Variants in RNF180 observed in about 807,000 individuals in gnomAD.
RNF180 encodes E3 ubiquitin-protein ligase RNF180.
In RNF180, 38 loss-of-function variants were observed where a neutral mutation model predicts 59.2. The ratio of observed to expected loss-of-function variants is 0.64; its 90% CI spans 0.50 to 0.84. The LOEUF is 0.84. Ranked by LOEUF, RNF180 falls within the 40% of genes least tolerant of loss-of-function variation. The pLI, the probability that RNF180 is intolerant of heterozygous loss-of-function variation, is 0.00. For synonymous variants in RNF180, 262 were observed against 240.3 expected, an observed-to-expected ratio of 1.09 and a Z score of -0.84; for missense variants, 705 against 700.9, an observed-to-expected ratio of 1.01 and a Z score of -0.07.
chr5:64,208,346 G>A (rs1024398332), intron 2 of RNF180, among the ~76,000 whole-genome samples: 2 of 151,860 alleles, frequency 1.3e-5, no homozygotes, highest in Non-Finnish European at 2.9e-5. Context: ...TACAATCCTG[G>A]TAAAACAGTT....
At chr5:64,239,900 AT>A (rs1265636090) in intron 5 of RNF180, among the ~76,000 whole-genome samples, 1 of 152,182 alleles carries the variant, frequency 6.6e-6, no homozygotes, top group Non-Finnish European at 1.5e-5. Context: ...AACAAAATGT[AT>A]TTTTATGTTA....
chr5:64,327,370 A>G (rs1318659813), intron 6 of RNF180, among the ~76,000 whole-genome samples: 1 of 151,990 alleles, frequency 6.6e-6, no homozygotes, highest in Non-Finnish European at 1.5e-5. Context: ...AGGTACATAC[A>G]TCATTAGGTC....
At chr5:64,228,915 CTTT>C (rs373212886) in intron 5 of RNF180, among the ~76,000 whole-genome samples, 8,778 of 97,710 alleles carry the variant, frequency 0.09, 131 homozygotes, top group South Asian at 0.15. Flanking sequence ...TCTATTACTG[CTTT>C]TTTTTTTTTT....
intron 5 of RNF180, among the ~76,000 whole-genome samples, chr5:64,314,537 TA>T (rs1743940664): frequency 6.6e-6 from 1 of 152,158 alleles, no homozygotes; most frequent in Admixed American, 6.6e-5. Context: ...CTTTTGGTCT[TA>T]AGATTCCTTT....
chr5:64,234,502 G>T (rs1238899832), intron 5 of RNF180, among the ~76,000 whole-genome samples: 1 of 146,670 alleles, frequency 6.8e-6, no homozygotes, highest in Non-Finnish European at 1.5e-5. Context: ...AACATGATCA[G>T]TGACAATACC....
chr5:64,212,260 A>G, intron 3 of RNF180, 100 bp downstream of exon 3: 1 of 693,604 alleles, frequency 1.4e-6, no homozygotes, highest in East Asian at 2.7e-5. Context: ...TCCTTGGCCA[A>G]CCTCTTACTG....
intron 5 of RNF180, among the ~76,000 whole-genome samples, chr5:64,238,529 C>T (rs1019986433): frequency 1.3e-5 from 2 of 152,114 alleles, no homozygotes; most frequent in African/African-American, 4.8e-5. Flanking sequence ...TGGTAATAGC[C>T]ATTCTGATAG....
rs1400125201 is a variant in RNF180 at position 64,213,893 on chromosome 5, A to G, written c.567A>G (p.Thr189=). 2 of 1,614,096 alleles carry G rather than the reference A, an allele frequency of 1.2e-6. No homozygotes were observed. The highest frequency in any genetic ancestry group is 1.7e-6 in the Non-Finnish European group (2 of 1,180,020). Residue 189 remains threonine (T), a synonymous_variant, in exon 4 of 8, where the codon ACA becomes ACG. Coordinates refer to ENST00000389100, the MANE Select transcript of RNF180 (RefSeq NM_001113561.2). ...TEALCLEVRP[T]YFEMKNEKLL... ...CACTCTGCCTGGAGGTGCGACCAACATATTTTGAGATGAAGAACGAAAAAC... is the reference window on the plus strand; with the variant it reads ...CACTCTGCCTGGAGGTGCGACCAACGTATTTTGAGATGAAGAACGAAAAAC...
At chr5:64,190,855 C>A (rs1263352846) in intron 1 of RNF180, among the ~76,000 whole-genome samples, 1 of 152,166 alleles carries the variant, frequency 6.6e-6, no homozygotes, top group East Asian at 1.9e-4. Context: ...TTTTGAATTT[C>A]CAGCATTCAG....
chr5:64,344,428 A>G (rs1327509760), intron 7 of RNF180, among the ~76,000 whole-genome samples: 1 of 152,176 alleles, frequency 6.6e-6, no homozygotes, highest in Non-Finnish European at 1.5e-5. Context: ...AAAGTTTCAA[A>G]ATATATGAAA....
intron 1 of RNF180, among the ~76,000 whole-genome samples, chr5:64,186,462 T>A (rs1233534735): frequency 6.6e-6 from 1 of 152,154 alleles, no homozygotes; most frequent in Non-Finnish European, 1.5e-5. Context: ...TTTATTTAGA[T>A]GTTTTCCTTT....
chr5:64,191,245 T>C (rs1429000189), intron 1 of RNF180, among the ~76,000 whole-genome samples: 1 of 152,224 alleles, frequency 6.6e-6, no homozygotes, highest in Non-Finnish European at 1.5e-5. Context: ...CAGTTTCTCC[T>C]ATCATTAACG....
Position 64,200,803 on chromosome 5 carries a change from C to T in RNF180, c.1-5C>T, listed in dbSNP as rs145598166. On this transcript the variant is annotated splice_region_variant and splice_polypyrimidine_tract_variant and intron_variant, in intron 1 of 7. Coordinates refer to ENST00000389100, the MANE Select transcript of RNF180 (RefSeq NM_001113561.2). ...CATTCTAAAAATGCACTAATGTTTC[C>T]GCAGATGAAAAGAAGCAAAGAATTG... 48 of 1,608,916 alleles carry T rather than the reference C, an allele frequency of 3.0e-5. No homozygotes were observed. In the Middle Eastern group the frequency reaches 8.4e-4, roughly 28 times the overall value.
At chr5:64,351,082 C>T (rs1380869261) in intron 7 of RNF180, among the ~76,000 whole-genome samples, 1 of 151,742 alleles carries the variant, frequency 6.6e-6, no homozygotes, top group Admixed American at 6.6e-5. Flanking sequence ...TCTTTTATTT[C>T]ATTGAGCAGT....
rs1378780432 is a variant in RNF180, at chr5:64,371,203, C to G, written c.*1389C>G. On this transcript the variant is annotated 3_prime_UTR_variant, in exon 8 of 8. Transcript: ENST00000389100. ...TATCTATTACAGAAAATAGTATACA[C>G]TAGACATCAAATCCAGAAATCAGAA... 6.6e-6 allele frequency: 1 copy of G among 151,502 alleles called. No homozygotes were observed. Among genetic ancestry groups the G allele is most frequent in the South Asian group, 2.1e-4 (1 of 4,828 alleles). The allele number at this position is 151,502 out of a possible 1,614,324, so 9.4% of individuals were successfully genotyped here. A position where few individuals can be genotyped will look rare whatever the true frequency, so the allele number is the denominator to read the frequency against.
chr5:64,196,288 A>G (rs1009146882), intron 1 of RNF180, among the ~76,000 whole-genome samples: 1 of 152,124 alleles, frequency 6.6e-6, no homozygotes, highest in South Asian at 2.1e-4. Flanking sequence ...TAATAGGGCA[A>G]ATAGCATCAT....
chr5:64,240,705 T>C (rs1742759442), intron 5 of RNF180, among the ~76,000 whole-genome samples: 1 of 152,214 alleles, frequency 6.6e-6, no homozygotes, highest in South Asian at 2.1e-4. Context: ...ACCATCTTCC[T>C]AGCATACCAA....
intron 5 of RNF180, among the ~76,000 whole-genome samples, chr5:64,312,756 G>C (rs1428532491): frequency 2.0e-5 from 3 of 152,068 alleles, no homozygotes; most frequent in African/African-American, 7.2e-5. Flanking sequence ...AGGTCCCTTA[G>C]ACGTGGTTGC....
At chr5:64,272,697 A>T (rs1246841067) in intron 5 of RNF180, among the ~76,000 whole-genome samples, 2 of 152,086 alleles carry the variant, frequency 1.3e-5, no homozygotes, top group Non-Finnish European at 2.9e-5. Flanking sequence ...AGTGGTGGTT[A>T]TAAACGTAGA....
Sources: gnomAD v4.1 joint callset for allele counts (sites outside exome capture counted in the v4.1 genomes callset) on GRCh38, gnomAD v4.1.1 for gene constraint, MANE v1.5 for transcripts, NCBI Gene and HGNC (gene_info 2026-07-23, HGNC 2026-07-21) for gene names.